KLHL29: variants seen among roughly 807,000 people sequenced by gnomAD.
The protein encoded by KLHL29 is kelch like family member 29.
Under a neutral mutation model 80.4 loss-of-function variants are expected in KLHL29, and 21 were observed. That is an observed-to-expected ratio of 0.26 (90% CI 0.19 to 0.38). The LOEUF is 0.38. KLHL29 is among the 10% of genes least tolerant of loss of function. The pLI, the probability that KLHL29 is intolerant of heterozygous loss-of-function variation, is 1.00. For missense variants in KLHL29, 867 were observed against 1,223.9 expected (o/e 0.71, Z 4.35); for synonymous variants, 511 against 526.8 (o/e 0.97, Z 0.41).
chr2:23,612,384 C>T (rs1391047215), intron 3 of KLHL29, among the ~76,000 whole-genome samples: 1 of 152,136 alleles, frequency 6.6e-6, no homozygotes, highest in Non-Finnish European at 1.5e-5. Context: ...AGTGAAAATG[C>T]CCTTAGAAGA....
At chr2:23,461,641 T>C (rs1664212204) in intron 1 of KLHL29, among the ~76,000 whole-genome samples, 1 of 151,654 alleles carries the variant, frequency 6.6e-6, no homozygotes. Flanking sequence ...ACGTGACCCC[T>C]CTACCTTGTA....
At chr2:23,495,358 A>G (rs1665231894) in intron 2 of KLHL29, among the ~76,000 whole-genome samples, 2 of 152,194 alleles carry the variant, frequency 1.3e-5, no homozygotes, top group South Asian at 4.1e-4. Context: ...AGGTGGGTCC[A>G]GGTCATTGCC....
At chr2:23,444,866 A>T (rs1280540383) in intron 1 of KLHL29, among the ~76,000 whole-genome samples, 1 of 152,204 alleles carries the variant, frequency 6.6e-6, no homozygotes, top group Admixed American at 6.5e-5. Flanking sequence ...TGATTATGTT[A>T]TCAATTTTAT....
At chr2:23,495,308 G>T (rs1480990214) in intron 2 of KLHL29, among the ~76,000 whole-genome samples, 1 of 152,254 alleles carries the variant, frequency 6.6e-6, no homozygotes, top group East Asian at 1.9e-4. Context: ...GAAGTCAATG[G>T]AGCCCCCCAA....
chr2:23,395,756 G>GAA (rs200288530), intron 1 of KLHL29, among the ~76,000 whole-genome samples: 3,998 of 130,088 alleles, frequency 0.031, 51 homozygotes, highest in East Asian at 0.041. Context: ...AAAAAGGAAA[G>GAA]AAAAAAAAAA....
intron 3 of KLHL29, among the ~76,000 whole-genome samples, chr2:23,618,574 T>G (rs1297313029): frequency 6.6e-6 from 1 of 152,218 alleles, no homozygotes; most frequent in Non-Finnish European, 1.5e-5. Context: ...TTCTTGGGTC[T>G]CAAGCCTGCA....
chr2:23,554,707 G>A (rs996060043), intron 2 of KLHL29, among the ~76,000 whole-genome samples: 7 of 152,226 alleles, frequency 4.6e-5, no homozygotes, highest in African/African-American at 1.7e-4. Flanking sequence ...TCCGGGCCCA[G>A]GGCTGAGGGC....
At position 23,706,568 on chromosome 2, in the gene KLHL29, G is replaced by A. The variant is rs1672738259; in HGVS notation, c.2532G>A (p.Glu844=). 6.5e-7 allele frequency: 1 copy of A among 1,537,198 alleles called. No individual in the cohort carries two copies. The highest frequency in any genetic ancestry group is 1.7e-4 in the Middle Eastern group (1 of 5,990). ...GPALGNMEAY[E]PTTNTWTLLP... is the part of the protein sequence containing the mutation. ...CGCTGGGCAACATGGAGGCCTACGA[G>A]CCCACAACCAACACATGGACCCTCC... Residue 844 remains glutamate, a synonymous_variant, in exon 14 of 14, where the codon GAG becomes GAA. Transcript: ENST00000486442.
intron 2 of KLHL29, among the ~76,000 whole-genome samples, chr2:23,508,011 T>C (rs1289205400): frequency 6.6e-6 from 1 of 152,224 alleles, no homozygotes; most frequent in Non-Finnish European, 1.5e-5. Context: ...AGTGTTGTCC[T>C]AGGGACGGCT....
intron 2 of KLHL29, among the ~76,000 whole-genome samples, chr2:23,556,270 C>A (rs1187941413): frequency 6.8e-6 from 1 of 147,502 alleles, no homozygotes; most frequent in Non-Finnish European, 1.5e-5. Flanking sequence ...TGATGTCTGT[C>A]CCAGACTGCT....
intron 5 of KLHL29, among the ~76,000 whole-genome samples, chr2:23,664,412 T>A (rs1182855348): frequency 6.6e-6 from 1 of 152,076 alleles, no homozygotes; most frequent in Non-Finnish European, 1.5e-5. Context: ...GGGCTTTGGG[T>A]TCTAAATTTT....
chr2:23,629,476 G>A (rs1034628144), intron 3 of KLHL29, among the ~76,000 whole-genome samples: 2 of 152,096 alleles, frequency 1.3e-5, no homozygotes, highest in African/African-American at 2.4e-5. Context: ...GAAGTTTTCG[G>A]TTGAAAGTTG....
intron 1 of KLHL29, among the ~76,000 whole-genome samples, chr2:23,386,426 C>G (rs887053536): frequency 6.6e-6 from 1 of 152,220 alleles, no homozygotes; most frequent in Non-Finnish European, 1.5e-5. Flanking sequence ...CCCACCCCAC[C>G]CCGACACACA....
intron 1 of KLHL29, among the ~76,000 whole-genome samples, chr2:23,409,279 G>A (rs1055546751): frequency 6.6e-6 from 1 of 152,182 alleles, no homozygotes; most frequent in Non-Finnish European, 1.5e-5. Flanking sequence ...CTCCGCAGCT[G>A]TACTGAGCTC....
chr2:23,633,986 T>C (rs1478380042), intron 3 of KLHL29, among the ~76,000 whole-genome samples: 1 of 152,172 alleles, frequency 6.6e-6, no homozygotes, highest in Non-Finnish European at 1.5e-5. Flanking sequence ...TTAACAGGGA[T>C]GGGAGCGAGA....
At chr2:23,590,823 C>T (rs1005522995) in intron 3 of KLHL29, among the ~76,000 whole-genome samples, 6 of 152,172 alleles carry the variant, frequency 3.9e-5, no homozygotes, top group Admixed American at 2.0e-4. Context: ...CGATGGCAGC[C>T]AGAGGCCCAC....
intron 2 of KLHL29, among the ~76,000 whole-genome samples, chr2:23,482,816 G>A (rs1185529070): frequency 6.6e-6 from 1 of 150,968 alleles, no homozygotes; most frequent in African/African-American, 2.4e-5. Context: ...GAAGAGTGTT[G>A]CAACGCTCAC....
chr2:23,554,838 T>G (rs1667243138), intron 2 of KLHL29, among the ~76,000 whole-genome samples: 1 of 152,176 alleles, frequency 6.6e-6, no homozygotes. Context: ...CAGGTGGGTC[T>G]GCGTGGCAGG....
intron 1 of KLHL29, among the ~76,000 whole-genome samples, chr2:23,395,392 G>A (rs771244844): frequency 3.9e-5 from 6 of 152,202 alleles, no homozygotes; most frequent in Admixed American, 2.0e-4. Context: ...TCACAGATAG[G>A]TGTCTGTTTC....
Sources: allele counts gnomAD v4.1 joint callset (sites outside exome capture counted in the v4.1 genomes callset), GRCh38; gene constraint gnomAD v4.1.1; transcripts MANE v1.5; gene names NCBI Gene and HGNC (gene_info 2026-07-23, HGNC 2026-07-21).